RBFOX3: variants seen among roughly 807,000 people sequenced by gnomAD.
RBFOX3 encodes the protein RNA binding protein fox-1 homolog 3.
Under a neutral mutation model 48.7 loss-of-function variants are expected in RBFOX3, and 17 were observed. The ratio of observed to expected loss-of-function variants is 0.35; its 90% confidence interval spans 0.24 to 0.52. RBFOX3 has a LOEUF of 0.52. Among genes scored for constraint, RBFOX3 ranks in the 20% least tolerant of loss-of-function variants. RBFOX3 has a pLI of 0.94. For synonymous variants in RBFOX3, 212 were observed against 209.5 expected (o/e 1.01, Z -0.10); for missense variants, 382 against 497.5 (o/e 0.77, Z 2.21).
At chr17:79,404,259 A>G (rs1218255436) in intron 2 of RBFOX3, among the ~76,000 whole-genome samples, 2 of 152,218 alleles carry the variant, frequency 1.3e-5, no homozygotes, top group East Asian at 1.9e-4. Context: ...GCAGGGCCAC[A>G]GCGGTGGGAG....
intron 3 of RBFOX3, among the ~76,000 whole-genome samples, chr17:79,251,270 C>T (rs1229949385): frequency 6.6e-6 from 1 of 152,172 alleles, no homozygotes; most frequent in Non-Finnish European, 1.5e-5. Flanking sequence ...TCTGGCACCT[C>T]CTAGATCTTA....
intron 4 of RBFOX3, among the ~76,000 whole-genome samples, chr17:79,142,761 T>C (rs2042161567): frequency 1.3e-5 from 2 of 152,110 alleles, no homozygotes; most frequent in South Asian, 4.1e-4. Flanking sequence ...TGTTGAAAGA[T>C]GGGTCTGGGC....
chr17:79,290,262 G>A (rs2072982187), intron 3 of RBFOX3, among the ~76,000 whole-genome samples: 1 of 152,142 alleles, frequency 6.6e-6, no homozygotes, highest in Non-Finnish European at 1.5e-5. Context: ...CAAAGGAAAA[G>A]GGAAGGAAGG....
chr17:79,148,724 C>T (rs1179483917), intron 4 of RBFOX3, among the ~76,000 whole-genome samples: 1 of 152,230 alleles, frequency 6.6e-6, no homozygotes. Flanking sequence ...GCGACTCTAT[C>T]CCAGAAGCAC....
At chr17:79,617,737 C>G in the RBFOX3 span, among the ~76,000 whole-genome samples, 1 of 152,208 alleles carries the variant, frequency 6.6e-6, no homozygotes. Context: ...TGGAAGTCAT[C>G]CCCGCATTTT....
chr17:79,411,277 T>C (rs935035916), intron 2 of RBFOX3, among the ~76,000 whole-genome samples: 1 of 151,996 alleles, frequency 6.6e-6, no homozygotes. Context: ...CATTTTGGGG[T>C]GGGGGCACCT....
At chr17:79,094,662 C>A in intron 13 of RBFOX3, 133 bp from the exon 14 acceptor site, 1 of 542,900 alleles carries the variant, frequency 1.8e-6, no homozygotes, top group South Asian at 3.0e-5. Flanking sequence ...GCAAGGCACC[C>A]TCCCCTCCTG....
chr17:79,199,214 T>C lies in RBFOX3; in HGVS notation c.-34+36552A>G, dbSNP rs972887369. 6.6e-6 allele frequency among the ~76,000 whole-genome samples: 1 copy of C among 152,096 alleles called. No homozygotes were observed. Among genetic ancestry groups the C allele is most frequent in the Non-Finnish European group, 1.5e-5 (1 of 68,018 alleles). On this transcript the variant is annotated intron_variant, in intron 4 of 14. Coordinates refer to ENST00000693108, the MANE Select transcript of RBFOX3 (RefSeq NM_001350451.2). The surrounding 1 kb of genome is among the most constrained non-coding windows in gnomAD (Gnocchi z 5.1). ...GCTGGCTCACTCTGCCTTCTGAGAATGTAAAGGGCCTTTCGAAAAGACCTC... is the reference window on the plus strand; with the variant it reads ...GCTGGCTCACTCTGCCTTCTGAGAACGTAAAGGGCCTTTCGAAAAGACCTC...
intron 2 of RBFOX3, among the ~76,000 whole-genome samples, chr17:79,314,556 T>G (rs1266300749): frequency 1.3e-5 from 2 of 152,032 alleles, no homozygotes; most frequent in Admixed American, 6.6e-5. Context: ...AGCTGCACTT[T>G]GCAAACCACT....
rs1206943063 is a variant in RBFOX3 at position 79,214,349 on chromosome 17, A to G, written c.-34+21417T>C. Among the ~76,000 whole-genome samples the G allele has an allele frequency of 6.6e-6, 1 of 152,202 alleles. No individual in the cohort carries two copies. Among genetic ancestry groups the G allele is most frequent in the East Asian group, 1.9e-4 (1 of 5,194 alleles). ...TGGTCATGGAGGTGCCTCATGGAGG[A>G]AAGCCCTGTCTCCTCATTAATTAGA... On this transcript the variant is annotated intron_variant, in intron 4 of 14. Transcript: ENST00000693108. This position sits in a 1 kb window ranked among gnomAD's most constrained non-coding sequence, Gnocchi z 4.7.
the RBFOX3 span, among the ~76,000 whole-genome samples, chr17:79,659,518 G>A: frequency 6.6e-6 from 1 of 151,590 alleles, no homozygotes; most frequent in Non-Finnish European, 1.5e-5. Context: ...CAGGTGGGGA[G>A]CGAGAGTGGG....
Position 79,212,973 on chromosome 17 carries a change from G to C in RBFOX3, c.-34+22793C>G, listed in dbSNP as rs555330690. 8.2e-6 allele frequency among the ~76,000 whole-genome samples: 1 copy of C among 122,198 alleles called. No individual in the cohort carries two copies. Among genetic ancestry groups the C allele is most frequent in the South Asian group, 3.1e-4 (1 of 3,226 alleles). 80.2% of individuals were successfully genotyped at this position (122,198 alleles called of 152,430 possible). On this transcript the variant is annotated intron_variant, in intron 4 of 14. Transcript: ENST00000693108. The surrounding 1 kb of genome is among the most constrained non-coding windows in gnomAD (Gnocchi z 4.7). ...AGGTTCAAGAGATTCTCCTGCCTCA[G>C]CCTCCTGAGTAGCTGGGATTACAGG...
chr17:79,607,422 C>G (rs1337246661), intron 1 of RBFOX3, among the ~76,000 whole-genome samples: 4 of 152,024 alleles, frequency 2.6e-5, no homozygotes, highest in Non-Finnish European at 4.4e-5. Flanking sequence ...GGAGGGAAGC[C>G]CCACCCTGCA....
intron 4 of RBFOX3, among the ~76,000 whole-genome samples, chr17:79,167,409 C>A (rs1183177482): frequency 8.2e-6 from 1 of 122,022 alleles, no homozygotes; most frequent in African/African-American, 4.3e-5. Flanking sequence ...TACGGTCCTA[C>A]TGAGCACCCT....
Position 79,214,843 on chromosome 17 carries a change from T to TA in RBFOX3, c.-34+20922dup, listed in dbSNP as rs919580224. Among the ~76,000 whole-genome samples the TA allele has an allele frequency of 6.6e-6, 1 of 152,180 alleles. No homozygotes were observed. The highest frequency in any genetic ancestry group is 2.4e-5 in the African/African-American group (1 of 41,450). ...GCTTCTATTACTCCAGGGCAAACTT[T>TA]AAAAAACATAATATTTATAGAAAGC... On this transcript the variant is annotated intron_variant, in intron 4 of 14. Transcript: ENST00000693108. This position sits in a 1 kb window ranked among gnomAD's most constrained non-coding sequence, Gnocchi z 4.7.
intron 1 of RBFOX3, among the ~76,000 whole-genome samples, chr17:79,590,805 C>T (rs2093394619): frequency 6.6e-6 from 1 of 152,206 alleles, no homozygotes; most frequent in African/African-American, 2.4e-5. Flanking sequence ...GCAAGGACAT[C>T]AGCTCAGCCC....
intron 4 of RBFOX3, among the ~76,000 whole-genome samples, chr17:79,196,739 G>A (rs1241221166): frequency 6.6e-6 from 1 of 152,166 alleles, no homozygotes; most frequent in Non-Finnish European, 1.5e-5. Flanking sequence ...GGAGTGGAAC[G>A]TTCCACTGAT....
intron 4 of RBFOX3, among the ~76,000 whole-genome samples, chr17:79,216,824 T>C (rs1233121631): frequency 8.3e-6 from 1 of 120,514 alleles, no homozygotes; most frequent in Non-Finnish European, 1.9e-5. Flanking sequence ...TCCAGGGTCA[T>C]GCAGCTGCCA....
rs1423279034 is a variant in RBFOX3, at chr17:79,260,755, ACGCTGTAAAGTG to A, written c.-73-24962_-73-24951del. 3.3e-5 allele frequency among the ~76,000 whole-genome samples: 5 copies of A among 152,304 alleles called. No individual in the cohort carries two copies. In the South Asian group the frequency reaches 1.0e-3, roughly 32 times the overall value. ...GGGGATAGGAACATGGCCAAGGAAG[ACGCTGTAAAGTG>A]CGAGAAAATGGCATGTAGGAGAGGA... On this transcript the variant is annotated intron_variant, in intron 3 of 14. Transcript: ENST00000693108.
Sources: gnomAD v4.1 joint callset for allele counts (sites outside exome capture counted in the v4.1 genomes callset) on GRCh38, gnomAD v4.1.1 for gene constraint, Gnocchi (gnomAD v3.1) non-coding constraint, MANE v1.5 for transcripts, NCBI Gene and HGNC (gene_info 2026-07-23, HGNC 2026-07-21) for gene names.